Variants in SLC44A5 observed in about 807,000 individuals in gnomAD.
The protein encoded by SLC44A5 is solute carrier family 44 member 5.
A neutral mutation model predicts 101.8 loss-of-function variants in SLC44A5; 57 were observed. The ratio of observed to expected loss-of-function variants is 0.56; its 90% confidence interval spans 0.45 to 0.70. The LOEUF is 0.70. Among genes scored for constraint, SLC44A5 ranks in the 30% least tolerant of loss-of-function variants. The pLI is 0.00. For missense variants in SLC44A5, 737 were observed against 853.1 expected (o/e 0.86, Z 1.70); for synonymous variants, 281 against 290.9 (o/e 0.97, Z 0.35).
chr1:75,618,234 G>A, the SLC44A5 span, among the ~76,000 whole-genome samples: 113 of 152,348 alleles, frequency 7.4e-4, 3 homozygotes, highest in South Asian at 0.022. Context: ...ACATGGATGT[G>A]ATTAATATGC....
At chr1:75,498,748 A>T (rs561469254) in intron 2 of SLC44A5, among the ~76,000 whole-genome samples, 3 of 152,336 alleles carry the variant, frequency 2.0e-5, no homozygotes, top group East Asian at 3.9e-4. Flanking sequence ...AATGAATTTA[A>T]TCCAGTTGCA....
At chr1:75,611,433 C>G (rs766832736), upstream of SLC44A5, among the ~76,000 whole-genome samples, 21 of 152,116 alleles carry the variant, frequency 1.4e-4, no homozygotes, top group Non-Finnish European at 2.9e-4. Flanking sequence ...AGAAAATCAT[C>G]CAATATACCC....
intron 5 of SLC44A5, among the ~76,000 whole-genome samples, chr1:75,284,425 T>C (rs1199750494): frequency 6.6e-6 from 1 of 152,154 alleles, no homozygotes; most frequent in Non-Finnish European, 1.5e-5. Context: ...TCTTTAGGGT[T>C]TTCTAGGTAG....
At chr1:75,428,803 G>A (rs75456800) in intron 2 of SLC44A5, among the ~76,000 whole-genome samples, 2 of 151,982 alleles carry the variant, frequency 1.3e-5, no homozygotes, top group African/African-American at 2.4e-5. Context: ...CTGAGAGATT[G>A]TCTACGCAAT....
At chr1:75,454,549 G>T (rs1160244194) in intron 2 of SLC44A5, among the ~76,000 whole-genome samples, 1 of 152,064 alleles carries the variant, frequency 6.6e-6, no homozygotes, top group African/African-American at 2.4e-5. Context: ...GCTAGCCAGA[G>T]CAATCAGATA....
In SLC44A5 at chr1:75,222,390, G is replaced by T. The variant is rs765551585; in HGVS notation, c.1056C>A (p.Val352=). 2 of 1,613,392 alleles carry T rather than the reference G, an allele frequency of 1.2e-6. No individual in the cohort carries two copies. The highest frequency in any genetic ancestry group is 1.3e-5 in the African/African-American group (1 of 74,848). ...TTCCTTCCTTCAGCAGGATAATGGC[G>T]ACTCGGATTCGATTCCTGAGGAAGA... The part of the protein sequence containing the change: ...MLIFLRNRIR[V]AIILLKEGSK... Residue 352 remains valine, a synonymous_variant, in exon 14 of 24, where the codon GTC becomes GTA. Coordinates refer to ENST00000370859, the MANE Select transcript of SLC44A5 (RefSeq NM_001130058.2).
At chr1:75,641,590 C>G in the SLC44A5 span, 1 of 1,513,154 alleles carries the variant, frequency 6.6e-7, no homozygotes, top group African/African-American at 1.4e-5. Context: ...CCCCTTCAAT[C>G]AGATTACATT....
At chr1:75,327,882 A>G (rs1263554767) in intron 4 of SLC44A5, among the ~76,000 whole-genome samples, 1 of 152,206 alleles carries the variant, frequency 6.6e-6, no homozygotes, top group Non-Finnish European at 1.5e-5. Flanking sequence ...GCCTCCTGAT[A>G]AGCTCTTTCT....
chr1:75,673,892 A>G, the SLC44A5 span, among the ~76,000 whole-genome samples: 1 of 152,082 alleles, frequency 6.6e-6, no homozygotes. Flanking sequence ...GACCCGAGAG[A>G]TTTTCATCAC....
rs34371845 is a variant in SLC44A5 at position 75,463,419 on chromosome 1, C to CAAAA, written c.14-66802_14-66799dup. Among the ~76,000 whole-genome samples the CAAAA allele has an allele frequency of 3.6e-4, 25 of 69,940 alleles. 1 individual carries two copies. Among genetic ancestry groups the CAAAA allele is most frequent in the Admixed American group, 6.6e-4 (3 of 4,522 alleles). The allele number at this position is 69,940 out of a possible 152,430, so 45.9% of individuals were successfully genotyped here. A position where few individuals can be genotyped will look rare whatever the true frequency, so the allele number is the denominator to read the frequency against. On this transcript the variant is annotated intron_variant, in intron 2 of 23. Coordinates refer to ENST00000370859, the MANE Select transcript of SLC44A5 (RefSeq NM_001130058.2). ...TGGGCTAAAGAGCGGGACTCTGTCT[C>CAAAA]AAAAAAAAAAAAAAAAAAAAAAAGA...
intron 4 of SLC44A5, among the ~76,000 whole-genome samples, chr1:75,302,383 A>AGCTG (rs1228934029): frequency 2.6e-5 from 4 of 152,106 alleles, no homozygotes; most frequent in Non-Finnish European, 5.9e-5. Flanking sequence ...ACTACCAGGA[A>AGCTG]GCTGGAGAGA....
At chr1:75,516,871 T>C (rs1669868586) in intron 2 of SLC44A5, among the ~76,000 whole-genome samples, 1 of 152,228 alleles carries the variant, frequency 6.6e-6, no homozygotes, top group South Asian at 2.1e-4. Flanking sequence ...TATTTCAAAG[T>C]GGCTCTTAGC....
intron 2 of SLC44A5, among the ~76,000 whole-genome samples, chr1:75,468,848 A>G (rs1666959402): frequency 6.6e-6 from 1 of 152,204 alleles, no homozygotes; most frequent in South Asian, 2.1e-4. Flanking sequence ...GTGACCCAAG[A>G]GATAAATGTT....
chr1:75,688,263 G>A, the SLC44A5 span, among the ~76,000 whole-genome samples: 3 of 152,130 alleles, frequency 2.0e-5, no homozygotes, highest in Non-Finnish European at 2.9e-5. Flanking sequence ...ATTTTCTCAA[G>A]GAACCAGTTG....
chr1:75,454,671 T>A (rs951349907), intron 2 of SLC44A5, among the ~76,000 whole-genome samples: 1 of 152,242 alleles, frequency 6.6e-6, no homozygotes, highest in African/African-American at 2.4e-5. Context: ...CTCCTAGACC[T>A]GATAAACAAC....
intron 3 of SLC44A5, among the ~76,000 whole-genome samples, chr1:75,350,551 A>G (rs867752131): frequency 1.3e-5 from 2 of 150,776 alleles, no homozygotes; most frequent in Non-Finnish European, 2.9e-5. Context: ...TAGATAAAAA[A>G]CAAAATCCAA....
the SLC44A5 span, among the ~76,000 whole-genome samples, chr1:75,676,047 C>T: frequency 6.6e-6 from 1 of 152,172 alleles, no homozygotes; most frequent in Admixed American, 6.5e-5. Context: ...AGTCAAGAAA[C>T]ATATGTTGGC....
At chr1:75,204,449 G>C (rs1190895317) in intron 23 of SLC44A5, 4 of 151,684 alleles carry the variant, frequency 2.6e-5, no homozygotes, top group Non-Finnish European at 5.9e-5. Context: ...TTGGCAACTT[G>C]TTTATGTGTT....
intron 2 of SLC44A5, among the ~76,000 whole-genome samples, chr1:75,479,164 C>A (rs1212166827): frequency 2.0e-5 from 3 of 152,034 alleles, no homozygotes; most frequent in Admixed American, 6.6e-5. Context: ...GGGTACATAA[C>A]GAAATGAAGG....
Sources: allele counts gnomAD v4.1 joint callset (sites outside exome capture counted in the v4.1 genomes callset), GRCh38; gene constraint gnomAD v4.1.1; transcripts MANE v1.5; gene names NCBI Gene and HGNC (gene_info 2026-07-23, HGNC 2026-07-21).